The following EVA1C variants were observed in gnomAD, a reference collection of about 807,000 sequenced individuals.
The protein encoded by EVA1C is eva-1 homolog C.
A neutral mutation model predicts 45.4 loss-of-function variants in EVA1C; 25 were observed. That is an observed-to-expected ratio of 0.55 (90% CI 0.40 to 0.77). The LOEUF (loss-of-function observed/expected upper bound fraction) is 0.77, where lower values mean the gene tolerates loss of function less well. EVA1C is among the 30% of genes least tolerant of loss of function. The pLI, the probability that EVA1C is intolerant of heterozygous loss-of-function variation, is 0.00. For missense variants in EVA1C, 479 were observed against 554.8 expected (o/e 0.86, Z 1.37); for synonymous variants, 190 against 221.2 (o/e 0.86, Z 1.25).
chr21:32,497,274 A>G (rs1429085083), intron 5 of EVA1C: 3 of 730,468 alleles, frequency 4.1e-6, no homozygotes, highest in Non-Finnish European at 7.4e-6. Context: ...ATGACATTAG[A>G]TCAAAGAAAA....
chr21:32,453,060 G>A (rs1449922760), intron 1 of EVA1C: 5 of 419,258 alleles, frequency 1.2e-5, no homozygotes, highest in Non-Finnish European at 2.1e-5. Context: ...CCCTCGCCAG[G>A]GACCCCACCC....
intron 4 of EVA1C, among the ~76,000 whole-genome samples, chr21:32,484,405 G>A (rs949287776): frequency 2.2e-4 from 34 of 152,208 alleles, no homozygotes; most frequent in Middle Eastern, 3.4e-3. Context: ...TTAGCCAGGC[G>A]CAGTGGCGTG....
At chr21:32,423,097 T>C in intron 1 of EVA1C, among the ~76,000 whole-genome samples, 1 of 73,314 alleles carries the variant, frequency 1.4e-5, no homozygotes, top group East Asian at 4.4e-4. Flanking sequence ...AAAAAAAAAA[T>C]GGTGGACAAA....
intron 1 of EVA1C, among the ~76,000 whole-genome samples, chr21:32,413,298 A>C (rs2033903578): frequency 6.6e-6 from 1 of 152,244 alleles, no homozygotes; most frequent in African/African-American, 2.4e-5. Context: ...GTCCTGAGCC[A>C]CGCTCGTTCT....
chr21:32,488,511 G>A (rs1193971523), intron 4 of EVA1C, among the ~76,000 whole-genome samples: 1 of 151,794 alleles, frequency 6.6e-6, no homozygotes, highest in South Asian at 2.1e-4. Context: ...GGTGTGAGAT[G>A]GTATCTTGTT....
intron 1 of EVA1C, among the ~76,000 whole-genome samples, chr21:32,417,372 A>G (rs1226092145): frequency 1.3e-5 from 2 of 152,184 alleles, no homozygotes; most frequent in African/African-American, 4.8e-5. Flanking sequence ...TCCCTGCTGT[A>G]TCTTCACATG....
intron 1 of EVA1C, among the ~76,000 whole-genome samples, chr21:32,425,692 T>A (rs995381187): frequency 6.6e-6 from 1 of 152,228 alleles, no homozygotes; most frequent in Non-Finnish European, 1.5e-5. Flanking sequence ...TTGCTTTTCC[T>A]GATATTTAGT....
At position 32,413,000 on chromosome 21, in the gene EVA1C, C is replaced by A; in HGVS notation, c.147C>A (p.Leu49=). ...TCTGCTCCAAAGAGATCTCAGCGCT[C>A]ACCGACTTCTCTGGTAAGAGCGCCC... ...VLVCSKEISA[L]TDFSGYLTKL... is the part of the protein sequence containing the mutation. Residue 49 remains leucine (L), a synonymous_variant, in exon 1 of 8, where the codon CTC becomes CTA. Transcript: ENST00000300255. The A allele has an allele frequency of 7.0e-7, 1 of 1,434,032 alleles. No homozygotes were observed. The highest frequency in any genetic ancestry group is 9.2e-7 in the Non-Finnish European group (1 of 1,084,122). The allele number at this position is 1,434,032 out of a possible 1,614,324, so 88.8% of individuals were successfully genotyped here.
In EVA1C at chr21:32,476,848, C is replaced by A. The variant is rs78837460; in HGVS notation, c.634+9000C>A. Among the ~76,000 whole-genome samples, 11 of 152,208 alleles carry A rather than the reference C, an allele frequency of 7.2e-5. No individual in the cohort carries two copies. In the East Asian group the frequency reaches 2.1e-3, roughly 29 times the overall value. On this transcript the variant is annotated intron_variant, in intron 4 of 7. Coordinates refer to ENST00000300255, the MANE Select transcript of EVA1C (RefSeq NM_058187.5). ...ATTTCCATAGACTTGAGGGTCCCCC[C>A]ATCTGCGTCAAGAAAGCCTCCGAGC...
chr21:32,435,219 T>A (rs911327737), intron 1 of EVA1C, among the ~76,000 whole-genome samples: 3 of 151,944 alleles, frequency 2.0e-5, no homozygotes, highest in African/African-American at 7.3e-5. Flanking sequence ...TACATTTTAT[T>A]AATTTTTTTT....
chr21:32,465,213 C>T (rs1321728235), intron 3 of EVA1C, among the ~76,000 whole-genome samples: 1 of 152,182 alleles, frequency 6.6e-6, no homozygotes, highest in Non-Finnish European at 1.5e-5. Flanking sequence ...AACCTCAAAT[C>T]ACAATTTGGA....
chr21:32,425,158 C>CAAACAAACAAAA (rs1568863183), intron 1 of EVA1C, among the ~76,000 whole-genome samples: 1 of 151,134 alleles, frequency 6.6e-6, no homozygotes, highest in Non-Finnish European at 1.5e-5. Flanking sequence ...TAAAAACAAA[C>CAAACAAACAAAA]AAACAAACAA....
chr21:32,456,604 C>T (rs1308445632), intron 2 of EVA1C, among the ~76,000 whole-genome samples: 2 of 152,224 alleles, frequency 1.3e-5, no homozygotes, highest in African/African-American at 4.8e-5. Flanking sequence ...ATTCCACGAG[C>T]TACTATGAGA....
chr21:32,487,184 T>C (rs2036997842), intron 4 of EVA1C, among the ~76,000 whole-genome samples: 1 of 152,166 alleles, frequency 6.6e-6, no homozygotes, highest in Non-Finnish European at 1.5e-5. Context: ...GAATGAATTT[T>C]GGAAAGCCCC....
intron 4 of EVA1C, among the ~76,000 whole-genome samples, chr21:32,481,022 A>ATT (rs2036764592): frequency 6.6e-6 from 1 of 152,184 alleles, no homozygotes; most frequent in African/African-American, 2.4e-5. Context: ...GAGAGGGAAG[A>ATT]ACATTTACAC....
At chr21:32,464,357 T>A (rs2036101926) in intron 3 of EVA1C, among the ~76,000 whole-genome samples, 1 of 152,188 alleles carries the variant, frequency 6.6e-6, no homozygotes, top group African/African-American at 2.4e-5. Flanking sequence ...CTTTCATTCA[T>A]CTTGAATGTT....
chr21:32,447,766 C>T (rs1480315681), intron 1 of EVA1C, among the ~76,000 whole-genome samples: 1 of 152,044 alleles, frequency 6.6e-6, no homozygotes, highest in Non-Finnish European at 1.5e-5. Context: ...CGTGCAATGG[C>T]GCGATCTCAG....
chr21:32,501,929 TCCTTCCTTCCTCCCTC>T (rs1238179290), intron 6 of EVA1C, among the ~76,000 whole-genome samples: 4 of 151,176 alleles, frequency 2.6e-5, no homozygotes, highest in Admixed American at 1.3e-4. Flanking sequence ...CTTCCTCCCT[TCCTTCCTTCCTCCCTC>T]CCTTCCTTCC....
At chr21:32,472,188 T>C (rs112440665) in intron 4 of EVA1C, among the ~76,000 whole-genome samples, 1,952 of 152,276 alleles carry the variant, frequency 0.013, 32 homozygotes, top group Admixed American at 0.038. Flanking sequence ...AGACAGACTC[T>C]CGCTCTGTCG....
Sources: allele counts gnomAD v4.1 joint callset (sites outside exome capture counted in the v4.1 genomes callset), GRCh38; gene constraint gnomAD v4.1.1; transcripts MANE v1.5; gene names NCBI Gene and HGNC (gene_info 2026-07-23, HGNC 2026-07-21).